CNNM2: variants seen among roughly 807,000 people sequenced by gnomAD.
CNNM2 encodes cyclin and CBS domain divalent metal cation transport mediator 2, also known as metal transporter CNNM2.
Under a neutral mutation model 66.9 loss-of-function variants are expected in CNNM2, and 12 were observed. The ratio of observed to expected loss-of-function variants is 0.18; its 90% CI spans 0.11 to 0.29. The LOEUF is 0.29. Among genes scored for constraint, CNNM2 ranks in the 10% least tolerant of loss-of-function variants. CNNM2 has a pLI of 1.00. For missense variants in CNNM2, 705 were observed against 1,167.7 expected (o/e 0.60, Z 5.77); for synonymous variants, 557 against 501.8 (o/e 1.11, Z -1.47).
chr10:103,072,698 G>T (rs1020912553), intron 6 of CNNM2, among the ~76,000 whole-genome samples: 1 of 152,218 alleles, frequency 6.6e-6, no homozygotes, highest in Non-Finnish European at 1.5e-5. Context: ...AAATTGCTGG[G>T]ATTTCCTAGT....
intron 1 of CNNM2, among the ~76,000 whole-genome samples, chr10:102,972,114 AT>A (rs1426492492): frequency 6.6e-6 from 1 of 152,146 alleles, no homozygotes; most frequent in Non-Finnish European, 1.5e-5. Flanking sequence ...TCTGTCAAAC[AT>A]TTATAGCTCT....
Position 103,052,100 on chromosome 10 carries a change from C to T in CNNM2, c.1766-2229C>T, listed in dbSNP as rs1186767951. On this transcript the variant is annotated intron_variant, in intron 2 of 7. Coordinates refer to ENST00000369878, the MANE Select transcript of CNNM2 (RefSeq NM_017649.5). Reference sequence around the variant, plus strand: ...GAACATCCTGGTCAACATGGTGAAACCCTGACTCTACTAAAAAAAAAAATA... The same window carrying T: ...GAACATCCTGGTCAACATGGTGAAATCCTGACTCTACTAAAAAAAAAAATA... 2.6e-5 allele frequency among the ~76,000 whole-genome samples: 4 copies of T among 151,594 alleles called. No homozygotes were observed. In the South Asian group the frequency reaches 8.3e-4, roughly 32 times the overall value.
intron 1 of CNNM2, among the ~76,000 whole-genome samples, chr10:103,014,627 T>A (rs1213070119): frequency 3.3e-5 from 5 of 152,200 alleles, no homozygotes; most frequent in African/African-American, 1.2e-4. Context: ...ACTTAAAAAT[T>A]CACTGAAAAA....
chr10:102,920,950 A>G (rs1845608233), intron 1 of CNNM2: 4 of 300,450 alleles, frequency 1.3e-5, no homozygotes, highest in Non-Finnish European at 2.0e-5. Context: ...GAATCCCTCT[A>G]TTGGGGCTTA....
intron 1 of CNNM2, among the ~76,000 whole-genome samples, chr10:102,965,382 C>CG (rs1168523416): frequency 6.6e-6 from 1 of 152,086 alleles, no homozygotes. Context: ...TTGATATAGA[C>CG]GGGGGATTAT....
intron 2 of CNNM2, among the ~76,000 whole-genome samples, chr10:103,053,235 C>T (rs2065244387): frequency 6.6e-6 from 1 of 152,220 alleles, no homozygotes; most frequent in South Asian, 2.1e-4. Context: ...TGCAAAATGG[C>T]TAAGCATGGT....
intron 6 of CNNM2, among the ~76,000 whole-genome samples, chr10:103,075,405 C>A (rs1452388600): frequency 6.6e-6 from 1 of 152,162 alleles, no homozygotes; most frequent in African/African-American, 2.4e-5. Context: ...CCCAGACTGG[C>A]GCTCCTTCCA....
At chr10:102,970,570 A>C (rs541179183) in intron 1 of CNNM2, among the ~76,000 whole-genome samples, 1 of 152,264 alleles carries the variant, frequency 6.6e-6, no homozygotes, top group African/African-American at 2.4e-5. Context: ...TTCTCAGAAA[A>C]AAATTTGCTA....
At chr10:103,067,307 A>G (rs1374042918) in intron 4 of CNNM2, among the ~76,000 whole-genome samples, 5 of 151,946 alleles carry the variant, frequency 3.3e-5, no homozygotes, top group Non-Finnish European at 5.9e-5. Flanking sequence ...GGCTCAAGCA[A>G]TTTGCCTGCC....
chr10:103,023,086 G>T (rs1212311373), intron 1 of CNNM2, among the ~76,000 whole-genome samples: 2 of 152,094 alleles, frequency 1.3e-5, no homozygotes, highest in Non-Finnish European at 2.9e-5. Context: ...GTATTTTTTA[G>T]TAGGGAGGGC....
chr10:103,041,985 CTCTCTCTCTT>C (rs911899289), intron 1 of CNNM2, among the ~76,000 whole-genome samples: 1 of 152,146 alleles, frequency 6.6e-6, no homozygotes, highest in African/African-American at 2.4e-5. Context: ...ACCTCTGTGT[CTCTCTCTCTT>C]GAATTCTGGA....
intron 1 of CNNM2, among the ~76,000 whole-genome samples, chr10:103,018,402 T>C (rs1246031095): frequency 6.6e-6 from 1 of 152,060 alleles, no homozygotes. Flanking sequence ...GTGGAGATAC[T>C]AAGTAGGCAA....
intron 1 of CNNM2, among the ~76,000 whole-genome samples, chr10:102,992,273 CTTT>C (rs35281835): frequency 6.5e-5 from 7 of 108,478 alleles, no homozygotes; most frequent in Middle Eastern, 5.3e-3. Flanking sequence ...CTCCAAGTTC[CTTT>C]TTTTTTTTTT....
At chr10:102,962,040 T>A (rs2063388750) in intron 1 of CNNM2, among the ~76,000 whole-genome samples, 2 of 152,074 alleles carry the variant, frequency 1.3e-5, no homozygotes, top group Non-Finnish European at 1.5e-5. Flanking sequence ...GAAGTGCAAA[T>A]TAAAACAGCA....
In CNNM2 at chr10:102,927,523, G is replaced by GC. The variant is rs1197141231; in HGVS notation, c.1621+7425dup. On this transcript the variant is annotated intron_variant, in intron 1 of 7. Transcript: ENST00000369878. Reference sequence around the variant, plus strand: ...GCCTGTAATCCCGGCACTTTGGGAGGCCCAGGGAGGTGGATCACTTGAGGT... The same window carrying GC: ...GCCTGTAATCCCGGCACTTTGGGAGGCCCCAGGGAGGTGGATCACTTGAGGT... The GC allele has an allele frequency of 1.2e-5, 18 of 1,487,388 alleles. No homozygotes were observed. In the East Asian group the frequency reaches 4.1e-4, roughly 34 times the overall value. 92.1% of individuals were successfully genotyped at this position (1,487,388 alleles called of 1,614,324 possible). A position where few individuals can be genotyped will look rare whatever the true frequency, so the allele number is the denominator to read the frequency against.
intron 1 of CNNM2, among the ~76,000 whole-genome samples, chr10:102,938,956 G>C (rs1480858759): frequency 6.6e-6 from 1 of 152,058 alleles, no homozygotes; most frequent in Non-Finnish European, 1.5e-5. Context: ...GAGTTATGGA[G>C]ACTAAAATAA....
chr10:102,947,570 G>A (rs1195915253), intron 1 of CNNM2, among the ~76,000 whole-genome samples: 1 of 152,056 alleles, frequency 6.6e-6, no homozygotes, highest in Admixed American at 6.6e-5. Flanking sequence ...CTGGCCAATG[G>A]TGAAACCCTG....
rs193291436 is a variant in CNNM2, at chr10:103,065,250, A to G, written c.2074-3379A>G. ...TTGTTCACAGACAGAGCCTTAAAGC[A>G]ATGATTCCCAAAGTTTGTGGCTTGC... On this transcript the variant is annotated intron_variant, in intron 4 of 7. Coordinates refer to ENST00000369878, the MANE Select transcript of CNNM2 (RefSeq NM_017649.5). Among the ~76,000 whole-genome samples, 6 of 152,352 alleles carry G rather than the reference A, an allele frequency of 3.9e-5. No homozygotes were observed. The East Asian group carries it at 1.2e-3, about 29-fold the overall frequency.
chr10:102,997,513 A>G (rs929190167), intron 1 of CNNM2, among the ~76,000 whole-genome samples: 15 of 152,174 alleles, frequency 9.9e-5, no homozygotes, highest in African/African-American at 3.6e-4. Context: ...AATAAATATA[A>G]TGGGAAGACA....
Sources: gnomAD v4.1 joint callset for allele counts (sites outside exome capture counted in the v4.1 genomes callset) on GRCh38, gnomAD v4.1.1 for gene constraint, MANE v1.5 for transcripts, NCBI Gene and HGNC (gene_info 2026-07-23, HGNC 2026-07-21) for gene names.